The following NT5C2 variants were observed in gnomAD, a reference collection of about 807,000 sequenced individuals.
NT5C2 encodes the protein 5'-nucleotidase, cytosolic II, also known as cytosolic purine 5'-nucleotidase.
A neutral mutation model predicts 76.1 loss-of-function variants in NT5C2; 58 were observed. The observed-to-expected ratio is 0.76, with a 90% CI of 0.62 to 0.95. The LOEUF (loss-of-function observed/expected upper bound fraction) is 0.95. NT5C2 is among the 40% of genes least tolerant of loss of function. The probability of loss-of-function intolerance (pLI) is 0.00; values close to 1 mark genes in which losing one functional copy is unlikely to be tolerated. For missense variants in NT5C2, 478 were observed against 690.3 expected (o/e 0.69, Z 3.45); for synonymous variants, 229 against 237.4 (o/e 0.96, Z 0.32).
At chr10:103,146,224 GTTTAA>G (rs2081455023) in intron 3 of NT5C2, 2 of 985,380 alleles carry the variant, frequency 2.0e-6, no homozygotes, top group Non-Finnish European at 2.4e-6. Context: ...ACACCTCTGT[GTTTAA>G]TTTAACTTGT....
At chr10:103,140,032 C>T (rs1424606587) in intron 3 of NT5C2, 23 of 152,384 alleles carry the variant, frequency 1.5e-4, no homozygotes, top group Admixed American at 1.5e-3. Flanking sequence ...ATCCTCCTTA[C>T]CTCAGCCTCC....
In NT5C2 at chr10:103,092,749, G is replaced by C. The variant is rs117541709; in HGVS notation, c.1159+390C>G. On this transcript the variant is annotated intron_variant, in intron 15 of 18. Coordinates refer to ENST00000404739, the MANE Select transcript of NT5C2 (RefSeq NM_001351169.2). ...ATACCAGAGGTGATTAACATTCAGA[G>C]CCATCACTGCCCCAGAATCACAGAT... Among the ~76,000 whole-genome samples, 157 of 152,302 alleles carry C rather than the reference G, an allele frequency of 1.0e-3. 3 individuals carry two copies. In the East Asian group the frequency reaches 0.027, roughly 26 times the overall value.
chr10:103,097,462 A>G (rs2068481916), intron 10 of NT5C2, 88 bp from the exon 11 acceptor site: 2 of 1,100,090 alleles, frequency 1.8e-6, no homozygotes, highest in Non-Finnish European at 2.8e-6. Context: ...TCTGTCCACA[A>G]CAGGAATGGG....
At chr10:103,159,174 A>G (rs1029502657) in intron 3 of NT5C2, among the ~76,000 whole-genome samples, 8 of 151,782 alleles carry the variant, frequency 5.3e-5, no homozygotes, top group African/African-American at 1.9e-4. Flanking sequence ...TAGAGGCTAC[A>G]GTGCACTATG....
chr10:103,103,040 C>T (rs564336051), intron 6 of NT5C2, among the ~76,000 whole-genome samples: 6 of 152,110 alleles, frequency 3.9e-5, no homozygotes, highest in South Asian at 4.1e-4. Flanking sequence ...GTTAAAGATG[C>T]AAAAACACTT....
intron 1 of NT5C2, among the ~76,000 whole-genome samples, chr10:103,191,793 A>T (rs1185177968): frequency 6.6e-6 from 1 of 152,110 alleles, no homozygotes; most frequent in African/African-American, 2.4e-5. Flanking sequence ...TTCTGGGTCA[A>T]TGAGAGTAAT....
rs528614264 is a variant in NT5C2 at position 103,181,992 on chromosome 10, A to C, written c.-168-664T>G. On this transcript the variant is annotated intron_variant, in intron 1 of 18. Transcript: ENST00000404739. ...GCCACTGCACTCCAGCCTGGGCAAC[A>C]GAGCGAGACTCTATCTCAAAAAAAA... is the stretch of plus-strand genomic sequence containing the variant. Among the ~76,000 whole-genome samples, 3 of 151,932 alleles carry C rather than the reference A, an allele frequency of 2.0e-5. No homozygotes were observed. The East Asian group carries it at 5.8e-4, about 29-fold the overall frequency.
intron 4 of NT5C2, 101 bp from the exon 5 acceptor site, chr10:103,106,807 C>T: frequency 1.3e-6 from 1 of 753,598 alleles, no homozygotes; most frequent in Non-Finnish European, 2.3e-6. Flanking sequence ...CTTCCCCCCT[C>T]CTAATTCTGC....
chr10:103,146,472 CAAGAA>C (rs1381676408), intron 3 of NT5C2: 56 of 983,452 alleles, frequency 5.7e-5, no homozygotes, highest in Non-Finnish European at 6.4e-5. Context: ...TTGCTACAAT[CAAGAA>C]AAGAAAAAGT....
rs1322415133 is a variant in NT5C2, at chr10:103,181,997, G to A, written c.-168-669C>T. On this transcript the variant is annotated intron_variant, in intron 1 of 18. Coordinates refer to ENST00000404739, the MANE Select transcript of NT5C2 (RefSeq NM_001351169.2). Reference sequence around the variant, plus strand: ...TGCACTCCAGCCTGGGCAACAGAGCGAGACTCTATCTCAAAAAAAAAAAAA... The same window carrying A: ...TGCACTCCAGCCTGGGCAACAGAGCAAGACTCTATCTCAAAAAAAAAAAAA... 1.0e-4 allele frequency among the ~76,000 whole-genome samples: 15 copies of A among 149,694 alleles called. No homozygotes were observed. The South Asian group carries it at 1.9e-3, about 19-fold the overall frequency.
intron 4 of NT5C2, among the ~76,000 whole-genome samples, chr10:103,129,541 C>G (rs1277067979): frequency 8.9e-6 from 1 of 111,768 alleles, no homozygotes. Flanking sequence ...GTCAGCCCCC[C>G]GCCCGGCCAG....
At chr10:103,140,402 TTG>T (rs2080183750) in intron 3 of NT5C2, among the ~76,000 whole-genome samples, 2 of 152,232 alleles carry the variant, frequency 1.3e-5, no homozygotes, top group Non-Finnish European at 2.9e-5. Flanking sequence ...GAATATTCCA[TTG>T]TGTGTATATA....
chr10:103,127,708 G>A (rs1020223926), intron 4 of NT5C2, among the ~76,000 whole-genome samples: 3 of 152,080 alleles, frequency 2.0e-5, no homozygotes, highest in Non-Finnish European at 2.9e-5. Context: ...AGCAAAATCC[G>A]TATCATTAAC....
intron 3 of NT5C2, among the ~76,000 whole-genome samples, chr10:103,160,521 CA>C (rs1344667100): frequency 1.3e-5 from 2 of 152,168 alleles, no homozygotes; most frequent in African/African-American, 4.8e-5. Context: ...GTCTAGAATC[CA>C]GAATATATAA....
chr10:103,089,074 C>G lies in NT5C2; in HGVS notation c.*598G>C, dbSNP rs1564889099. 9.0e-6 allele frequency: 2 copies of G among 223,130 alleles called. No individual in the cohort carries two copies. Among genetic ancestry groups the G allele is most frequent in the East Asian group, 1.3e-4 (2 of 15,316 alleles). 13.8% of individuals were successfully genotyped at this position (223,130 alleles called of 1,614,324 possible). A position where few individuals can be genotyped will look rare whatever the true frequency, so the allele number is the denominator to read the frequency against. ...CTTTTCCCTCAAAATAGAATCCTGC[C>G]CTAAAGCAACGCAAGTAGAGCATAC... On this transcript the variant is annotated 3_prime_UTR_variant, in exon 19 of 19. Coordinates refer to ENST00000404739, the MANE Select transcript of NT5C2 (RefSeq NM_001351169.2).
Position 103,095,971 on chromosome 10 carries a change from T to A in NT5C2, c.781A>T (p.Thr261Ser), listed in dbSNP as rs761579995. The A allele has an allele frequency of 4.3e-6, 7 of 1,613,420 alleles. No individual in the cohort carries two copies. The highest frequency in any genetic ancestry group is 5.9e-6 in the Non-Finnish European group (7 of 1,179,582). ...SDYKYTDKIMTYLFDFPHGPK... is the reference protein window; with the variant it reads ...SDYKYTDKIMSYLFDFPHGPK... ...CCATGTGGGAAGTCAAACAGGTAAGTCATAATTTTCTGGAAAAAAAAATTT... is the reference window on the plus strand; with the variant it reads ...CCATGTGGGAAGTCAAACAGGTAAGACATAATTTTCTGGAAAAAAAAATTT... Residue 261 changes from threonine (T) to serine (S), a missense_variant, in exon 12 of 19, where the codon ACT (threonine) becomes TCT (serine). Coordinates refer to ENST00000404739, the MANE Select transcript of NT5C2 (RefSeq NM_001351169.2).
At chr10:103,091,083 G>A in intron 16 of NT5C2, 87 bp from the exon 17 acceptor site, 1 of 1,182,488 alleles carries the variant, frequency 8.5e-7, no homozygotes, top group East Asian at 2.4e-5. Flanking sequence ...CACTCAGGCT[G>A]GAGTGCAGGG....
At chr10:103,181,914 G>A (rs780916487) in intron 1 of NT5C2, among the ~76,000 whole-genome samples, 4 of 152,016 alleles carry the variant, frequency 2.6e-5, no homozygotes, top group Non-Finnish European at 4.4e-5. Context: ...AGCTGAGGCA[G>A]GAGAATTGCT....
intron 3 of NT5C2, among the ~76,000 whole-genome samples, chr10:103,149,838 A>G (rs1014837026): frequency 6.6e-6 from 1 of 151,954 alleles, no homozygotes; most frequent in Non-Finnish European, 1.5e-5. Context: ...CCTTTTACCT[A>G]AACGACAGCA....
Sources: allele counts gnomAD v4.1 joint callset (sites outside exome capture counted in the v4.1 genomes callset), GRCh38; gene constraint gnomAD v4.1.1; transcripts MANE v1.5; gene names NCBI Gene and HGNC (gene_info 2026-07-23, HGNC 2026-07-21).